Variants in FBXO11 observed in about 807,000 individuals in gnomAD.
FBXO11 encodes F-box protein 11, also known as F-box only protein 11.
A neutral mutation model predicts 117.0 loss-of-function variants in FBXO11; 13 were observed. That is an observed-to-expected ratio of 0.11 (90% confidence interval 0.07 to 0.18). The LOEUF is 0.18. FBXO11 is among the 10% of genes least tolerant of loss of function. FBXO11 has a pLI of 1.00. For missense variants in FBXO11, 767 were observed against 1,164.4 expected (o/e 0.66, Z 4.97); for synonymous variants, 490 against 380.5 (o/e 1.29, Z -3.35).
chr2:47,810,257 C>T, intron 19 of FBXO11, 59 bp downstream of exon 19: 1 of 1,114,274 alleles, frequency 9.0e-7, no homozygotes, highest in Non-Finnish European at 1.3e-6. Flanking sequence ...GAATATACTC[C>T]ACATCAAACA....
chr2:47,845,859 C>T (rs1239864731), intron 1 of FBXO11, among the ~76,000 whole-genome samples: 1 of 151,552 alleles, frequency 6.6e-6, no homozygotes, highest in Non-Finnish European at 1.5e-5. Flanking sequence ...GAAGCCATCA[C>T]TAGTGGTGGC....
chr2:47,851,660 T>A (rs995564475), intron 1 of FBXO11, among the ~76,000 whole-genome samples: 2 of 152,198 alleles, frequency 1.3e-5, no homozygotes, highest in African/African-American at 2.4e-5. Flanking sequence ...CACACACAGG[T>A]GTTATAAAAG....
Position 47,807,890 on chromosome 2 carries a change from T to TTCAAG in FBXO11, c.*223_*227dup, listed in dbSNP as rs1398513353. ...AGCTTATTTTCTTCACTTCTGTCCC[T>TTCAAG]TCAAGTCTTTACACAGTAATGCTAA... On this transcript the variant is annotated 3_prime_UTR_variant, in exon 23 of 23. Coordinates refer to ENST00000403359, the MANE Select transcript of FBXO11 (RefSeq NM_001190274.2). The TTCAAG allele has an allele frequency of 4.6e-6, 2 of 433,530 alleles. No individual in the cohort carries two copies. Among genetic ancestry groups the TTCAAG allele is most frequent in the Non-Finnish European group, 8.3e-6 (2 of 240,978 alleles). 26.9% of individuals were successfully genotyped at this position (433,530 alleles called of 1,614,324 possible). A position where few individuals can be genotyped will look rare whatever the true frequency, so the allele number is the denominator to read the frequency against.
chr2:47,857,821 C>A (rs1056337267), intron 1 of FBXO11, among the ~76,000 whole-genome samples: 1 of 152,126 alleles, frequency 6.6e-6, no homozygotes, highest in East Asian at 1.9e-4. Flanking sequence ...TTTAGGCAAG[C>A]CTGTTTCTTA....
rs1678049422 is a variant in FBXO11 at position 47,900,592 on chromosome 2, A to ATACACACG, written c.232+4896_232+4897insCGTGTGTA. On this transcript the variant is annotated intron_variant, in intron 1 of 22. Coordinates refer to ENST00000403359, the MANE Select transcript of FBXO11 (RefSeq NM_001190274.2). ...CACACGTATACACACATATATACGTATATACACACGTATACACACGTATAT... is the reference window on the plus strand; with the variant it reads ...CACACGTATACACACATATATACGTATACACACGTATACACACGTATACACACGTATAT... Among the ~76,000 whole-genome samples the ATACACACG allele has an allele frequency of 1.4e-5, 2 of 145,114 alleles. 1 individual carries two copies. The highest frequency in any genetic ancestry group is 3.0e-5 in the Non-Finnish European group (2 of 66,942).
Position 47,838,783 on chromosome 2 carries a change from G to T in FBXO11, c.587+76C>A, listed in dbSNP as rs749911924. On this transcript the variant is annotated intron_variant, in intron 4 of 22. Coordinates refer to ENST00000403359, the MANE Select transcript of FBXO11 (RefSeq NM_001190274.2). ...ATTGTAACTACCAACTCACCGCACC[G>T]ACTTTCCTACCATGTTTAGCATTTT... is the stretch of plus-strand genomic sequence containing the variant. 6.3e-5 allele frequency: 90 copies of T among 1,418,362 alleles called. 1 individual carries two copies. The highest frequency in any genetic ancestry group is 4.7e-4 in the South Asian group (36 of 76,006). The allele number at this position is 1,418,362 out of a possible 1,614,324, so 87.9% of individuals were successfully genotyped here.
At chr2:47,830,897 TC>T (rs1268476858) in intron 11 of FBXO11, among the ~76,000 whole-genome samples, 2 of 152,092 alleles carry the variant, frequency 1.3e-5, no homozygotes. Context: ...TCTCCTGGGC[TC>T]AAGTGATCCT....
intron 21 of FBXO11, chr2:47,808,867 T>C (rs185737873): frequency 1.5e-4 from 42 of 288,120 alleles, no homozygotes; most frequent in African/African-American, 8.8e-4. Context: ...TTATGGTCTT[T>C]GTTTTGTTTT....
chr2:47,861,055 G>C (rs1674733557), intron 1 of FBXO11, among the ~76,000 whole-genome samples: 1 of 151,522 alleles, frequency 6.6e-6, no homozygotes, highest in Non-Finnish European at 1.5e-5. Context: ...TCTCCATGTT[G>C]GTTAGGCTGG....
At chr2:47,826,788 C>A (rs1016186541) in intron 11 of FBXO11, among the ~76,000 whole-genome samples, 7 of 152,100 alleles carry the variant, frequency 4.6e-5, no homozygotes, top group Non-Finnish European at 8.8e-5. Flanking sequence ...TTTTTTGACA[C>A]AGAGTCTCAC....
Position 47,905,607 on chromosome 2 carries a change from CTGCTGG to C in FBXO11, c.108_113del (p.Gln38_Gln39del), listed in dbSNP as rs1678742166. The C allele has an allele frequency of 7.4e-7, 1 of 1,352,928 alleles. No individual in the cohort carries two copies. Among genetic ancestry groups the C allele is most frequent in the Non-Finnish European group, 9.5e-7 (1 of 1,051,960 alleles). 83.8% of individuals were successfully genotyped at this position (1,352,928 alleles called of 1,614,324 possible). A position where few individuals can be genotyped will look rare whatever the true frequency, so the allele number is the denominator to read the frequency against. The stretch of plus-strand genomic sequence containing the variant: ...GCGGAGGCTGCTGCTGGGGCGGCTG[CTGCTGG>C]GGCGGCTGCGGCGGCGGCTGCTGCG... On this transcript the variant is annotated inframe_deletion, in exon 1 of 23. Transcript: ENST00000403359.
chr2:47,834,529 C>T, intron 7 of FBXO11, 50 bp downstream of exon 7: 1 of 1,409,062 alleles, frequency 7.1e-7, no homozygotes. Context: ...AATCCTATCA[C>T]ATAAATGAGT....
intron 11 of FBXO11, among the ~76,000 whole-genome samples, chr2:47,827,746 G>A (rs575428194): frequency 6.6e-6 from 1 of 151,614 alleles, no homozygotes; most frequent in South Asian, 2.1e-4. Flanking sequence ...TCCTAGGCTG[G>A]AGCGCAGTGG....
intron 1 of FBXO11, among the ~76,000 whole-genome samples, chr2:47,890,026 C>T (rs1350526703): frequency 1.3e-5 from 2 of 152,170 alleles, no homozygotes; most frequent in African/African-American, 4.8e-5. Flanking sequence ...GGTTCAGAGT[C>T]CCAAATATCA....
At position 47,903,173 on chromosome 2, in the gene FBXO11, T is replaced by C. The variant is rs575022214; in HGVS notation, c.232+2316A>G. ...AATTTTTCAAAGAATAACATATTTTTCCATATGGCTGGCAACATCTTTATT... is the reference window on the plus strand; with the variant it reads ...AATTTTTCAAAGAATAACATATTTTCCCATATGGCTGGCAACATCTTTATT... On this transcript the variant is annotated intron_variant, in intron 1 of 22. Coordinates refer to ENST00000403359, the MANE Select transcript of FBXO11 (RefSeq NM_001190274.2). Among the ~76,000 whole-genome samples the C allele has an allele frequency of 3.9e-5, 6 of 152,322 alleles. 1 individual carries two copies. Among genetic ancestry groups the C allele is most frequent in the Admixed American group, 3.9e-4 (6 of 15,304 alleles).
chr2:47,861,156 T>G (rs1674742103), intron 1 of FBXO11, among the ~76,000 whole-genome samples: 1 of 152,122 alleles, frequency 6.6e-6, no homozygotes, highest in Admixed American at 6.5e-5. Context: ...GGCCTTCCCC[T>G]ATTTTTAAGT....
chr2:47,817,052 T>C (rs181420373), intron 16 of FBXO11, among the ~76,000 whole-genome samples: 293 of 152,316 alleles, frequency 1.9e-3, no homozygotes, highest in African/African-American at 6.7e-3. Flanking sequence ...CTTCTTCCAA[T>C]ATAAAACTAT....
intron 19 of FBXO11, 84 bp from the exon 20 acceptor site, chr2:47,809,791 C>A (rs1572757471): frequency 1.2e-6 from 1 of 844,004 alleles, no homozygotes; most frequent in East Asian, 2.5e-5. Flanking sequence ...ATGTAAACTG[C>A]TTCTTTTATA....
At chr2:47,882,582 T>C (rs1346627865) in intron 1 of FBXO11, among the ~76,000 whole-genome samples, 1 of 152,236 alleles carries the variant, frequency 6.6e-6, no homozygotes, top group Non-Finnish European at 1.5e-5. Flanking sequence ...TTTTTTAAAA[T>C]CCCTGTGTCT....
Sources: gnomAD v4.1 joint callset for allele counts (sites outside exome capture counted in the v4.1 genomes callset) on GRCh38, gnomAD v4.1.1 for gene constraint, MANE v1.5 for transcripts, NCBI Gene and HGNC (gene_info 2026-07-23, HGNC 2026-07-21) for gene names.